LCORL: variants seen among roughly 807,000 people sequenced by gnomAD.
The protein encoded by LCORL is ligand dependent nuclear receptor corepressor like, also known as ligand-dependent nuclear receptor corepressor-like protein.
Under a neutral mutation model 141.8 loss-of-function variants are expected in LCORL, and 41 were observed. The ratio of observed to expected loss-of-function variants is 0.29; its 90% CI spans 0.23 to 0.38. LCORL has a LOEUF of 0.38. Ranked by LOEUF, LCORL falls within the 10% of genes least tolerant of loss-of-function variation. The pLI is 1.00. For synonymous variants in LCORL, 618 were observed against 694.1 expected (o/e 0.89, Z 1.72); for missense variants, 1,759 against 2,035.0 (o/e 0.86, Z 2.61).
At chr4:17,920,513 GC>G (rs1734116297) in intron 4 of LCORL, among the ~76,000 whole-genome samples, 1 of 152,158 alleles carries the variant, frequency 6.6e-6, no homozygotes, top group East Asian at 1.9e-4. Context: ...GGTGGCTGTG[GC>G]AATTTCTTAC....
chr4:17,937,686 T>C (rs1737094439), intron 4 of LCORL, among the ~76,000 whole-genome samples: 1 of 152,150 alleles, frequency 6.6e-6, no homozygotes, highest in Non-Finnish European at 1.5e-5. Context: ...GCATGCACCC[T>C]TGCCCCCATA....
intron 1 of LCORL, among the ~76,000 whole-genome samples, chr4:18,009,468 T>C (rs1723332503): frequency 6.6e-6 from 1 of 152,066 alleles, no homozygotes; most frequent in African/African-American, 2.4e-5. Context: ...CTGCTCAGGC[T>C]ATGAAATCCC....
intron 1 of LCORL, among the ~76,000 whole-genome samples, chr4:18,004,089 G>T (rs534611255): frequency 2.9e-4 from 44 of 152,160 alleles, no homozygotes; most frequent in Non-Finnish European, 6.0e-4. Flanking sequence ...TTCTATAATT[G>T]CTTTCTCTGG....
intron 1 of LCORL, among the ~76,000 whole-genome samples, chr4:18,001,879 T>C (rs1030626293): frequency 4.6e-5 from 7 of 152,240 alleles, no homozygotes; most frequent in African/African-American, 1.7e-4. Context: ...AGAATCATTA[T>C]ACTTGTTACT....
chr4:17,991,250 C>T (rs1044091832), intron 1 of LCORL, among the ~76,000 whole-genome samples: 2 of 152,158 alleles, frequency 1.3e-5, no homozygotes, highest in Admixed American at 6.5e-5. Context: ...CTCATTCATT[C>T]TTCTTTGCTT....
chr4:17,857,959 T>A (rs1003821286), intron 7 of LCORL, among the ~76,000 whole-genome samples: 7 of 152,144 alleles, frequency 4.6e-5, no homozygotes, highest in African/African-American at 1.7e-4. Context: ...ATGTCTGGCA[T>A]CCCACTGAAA....
At chr4:17,849,093 C>G (rs1213984845) in intron 7 of LCORL, among the ~76,000 whole-genome samples, 3 of 152,254 alleles carry the variant, frequency 2.0e-5, no homozygotes, top group Admixed American at 1.3e-4. Flanking sequence ...GGCTCCACCT[C>G]TGGGGGCAGG....
intron 5 of LCORL, among the ~76,000 whole-genome samples, chr4:17,894,577 A>G (rs1266489080): frequency 1.3e-5 from 2 of 152,222 alleles, no homozygotes; most frequent in African/African-American, 4.8e-5. Flanking sequence ...TATATTTTAA[A>G]AACAGTTTTG....
At chr4:17,899,929 C>T (rs748083491) in intron 5 of LCORL, among the ~76,000 whole-genome samples, 1 of 152,022 alleles carries the variant, frequency 6.6e-6, no homozygotes, top group Non-Finnish European at 1.5e-5. Context: ...GCCCCATCCA[C>T]AAGATATCTT....
chr4:18,009,458 C>A (rs913882898), intron 1 of LCORL, among the ~76,000 whole-genome samples: 1 of 152,068 alleles, frequency 6.6e-6, no homozygotes, highest in Non-Finnish European at 1.5e-5. Context: ...CCTCCCTACC[C>A]TGCTCAGGCT....
intron 4 of LCORL, among the ~76,000 whole-genome samples, chr4:17,940,883 T>C (rs1737840570): frequency 6.6e-6 from 1 of 152,162 alleles, no homozygotes; most frequent in Non-Finnish European, 1.5e-5. Context: ...TGATAAATAG[T>C]ATCATGAAAA....
intron 7 of LCORL, among the ~76,000 whole-genome samples, chr4:17,860,212 T>C (rs149966635): frequency 2.2e-4 from 34 of 152,316 alleles, no homozygotes; most frequent in African/African-American, 7.5e-4. Flanking sequence ...CGAACTATAC[T>C]ACGAGGCTAC....
intron 1 of LCORL, among the ~76,000 whole-genome samples, chr4:17,989,478 G>GA (rs1035270743): frequency 1.2e-4 from 19 of 152,234 alleles, no homozygotes; most frequent in Admixed American, 1.1e-3. Flanking sequence ...CTCAGTTCGA[G>GA]AAAGTAATAG....
intron 4 of LCORL, among the ~76,000 whole-genome samples, chr4:17,925,494 G>A (rs1024336188): frequency 6.6e-6 from 1 of 152,112 alleles, no homozygotes; most frequent in Non-Finnish European, 1.5e-5. Flanking sequence ...GGTAGTAGAA[G>A]GTAGTAATTA....
At position 18,021,475 on chromosome 4, in the gene LCORL, T is replaced by G; in HGVS notation, c.154+123A>C. 3 of 771,912 alleles carry G rather than the reference T, an allele frequency of 3.9e-6. No homozygotes were observed. The highest frequency in any genetic ancestry group is 5.7e-6 in the Non-Finnish European group (3 of 529,876). The allele number at this position is 771,912 out of a possible 1,614,324, so 47.8% of individuals were successfully genotyped here. On this transcript the variant is annotated intron_variant, in intron 1 of 7. Transcript: ENST00000635767. The surrounding 1 kb of genome is among the most constrained non-coding windows in gnomAD (Gnocchi z 5.5). ...GGGCCGCCGCGCCGCGCCGCTCCCATCTCGCTCCCCCACCGAACTAACCCG... is the reference window on the plus strand; with the variant it reads ...GGGCCGCCGCGCCGCGCCGCTCCCAGCTCGCTCCCCCACCGAACTAACCCG...
intron 1 of LCORL, among the ~76,000 whole-genome samples, chr4:17,985,463 T>C (rs149411326): frequency 7.6e-4 from 116 of 152,286 alleles, no homozygotes; most frequent in African/African-American, 2.7e-3. Flanking sequence ...GCTGGGTGCA[T>C]ATATATCTAG....
intron 7 of LCORL, among the ~76,000 whole-genome samples, chr4:17,856,983 CGTT>C (rs1724434629): frequency 6.6e-6 from 1 of 152,128 alleles, no homozygotes; most frequent in Non-Finnish European, 1.5e-5. Flanking sequence ...TAGAGATCCT[CGTT>C]GTTCTTGTTC....
chr4:17,947,733 C>T (rs1363343563), intron 4 of LCORL, among the ~76,000 whole-genome samples: 2 of 151,924 alleles, frequency 1.3e-5, no homozygotes, highest in African/African-American at 4.8e-5. Flanking sequence ...CCATTAACTC[C>T]AGTATCACCA....
At chr4:17,962,915 AC>A (rs1315479260) in intron 3 of LCORL, 54 bp downstream of exon 3, 21 of 931,772 alleles carry the variant, frequency 2.3e-5, no homozygotes, top group Middle Eastern at 3.2e-4. Flanking sequence ...TAAAAAAAAA[AC>A]TGTGTTACAA....
Sources: gnomAD v4.1 joint callset for allele counts (sites outside exome capture counted in the v4.1 genomes callset) on GRCh38, gnomAD v4.1.1 for gene constraint, Gnocchi (gnomAD v3.1) non-coding constraint, MANE v1.5 for transcripts, NCBI Gene and HGNC (gene_info 2026-07-23, HGNC 2026-07-21) for gene names.